The following PRSS58 variants were observed in gnomAD, a reference collection of about 807,000 sequenced individuals.
PRSS58 encodes serine protease 58.
Under a neutral mutation model 25.0 loss-of-function variants are expected in PRSS58, and 31 were observed. That is an observed-to-expected ratio of 1.24 (90% CI 0.93 to 1.67). PRSS58 has a LOEUF of 1.67. Ranked by LOEUF, PRSS58 falls within the 40% of genes most tolerant of loss-of-function variation. The pLI is 0.00. For synonymous variants in PRSS58, 119 were observed against 106.1 expected (o/e 1.12, Z -0.75); for missense variants, 324 against 287.9 (o/e 1.13, Z -0.91).
rs199744203 is a variant in PRSS58 at position 142,252,488 on chromosome 7, C to T, written c.560G>A (p.Arg187Lys). Reference sequence around the variant, plus strand: ...GTATTTTACCTTGCAGGGCTGCCTCCTTCCTGGCACAATGCCCACACACAG... The same window carrying T: ...GTATTTTACCTTGCAGGGCTGCCTCTTTCCTGGCACAATGCCCACACACAG... ...NMLCVGIVPG[R>K]RQPCKEVSAA... Residue 187 changes from arginine to lysine, a missense_variant, in exon 5 of 6, where the codon AGG becomes AAG. By Grantham distance (26) the Arg-to-Lys change is conservative. Transcript: ENST00000547058. The T allele has an allele frequency of 1.2e-4, 194 of 1,613,956 alleles. No individual in the cohort carries two copies. Among genetic ancestry groups the T allele is most frequent in the Non-Finnish European group, 1.5e-4 (178 of 1,179,968 alleles).
At chr7:142,255,960 A>G (rs1266440242) in intron 2 of PRSS58, among the ~76,000 whole-genome samples, 1 of 152,218 alleles carries the variant, frequency 6.6e-6, no homozygotes, top group Admixed American at 6.5e-5. Context: ...TGTATGCTAA[A>G]TCAACGAATT....
chr7:142,256,840 A>G (rs1469447140), intron 2 of PRSS58, among the ~76,000 whole-genome samples: 1 of 152,136 alleles, frequency 6.6e-6, no homozygotes, highest in Non-Finnish European at 1.5e-5. Context: ...GGAAGTTGCT[A>G]GTCAAATATC....
Position 142,255,159 on chromosome 7 carries a change from G to T in PRSS58, c.332C>A (p.Ala111Asp), listed in dbSNP as rs773740043. ...TAATTTCACATAGTCATTGAGTTCA[G>T]CCTCTGTTTTCAGCTTGATTAGCAT... ...DIMLIKLKTE[A>D]ELNDYVKLAN... is the part of the protein sequence containing the mutation. Residue 111 changes from alanine to aspartate, a missense_variant, in exon 4 of 6, where the codon GCT becomes GAT. By Grantham distance (126) the Ala-to-Asp change is moderately radical. Coordinates refer to ENST00000547058, the MANE Select transcript of PRSS58 (RefSeq NM_001001317.5). The T allele has an allele frequency of 6.2e-7, 1 of 1,614,098 alleles. No homozygotes were observed. The highest frequency in any genetic ancestry group is 8.5e-7 in the Non-Finnish European group (1 of 1,179,978).
chr7:142,252,214 C>T lies in PRSS58; in HGVS notation c.*7G>A, dbSNP rs1445014890. Reference sequence around the variant, plus strand: ...AGCTGTGTCATATGGTCCACAACTGCCACAGCTCAGTTATTTTGGATTACA... The same window carrying T: ...AGCTGTGTCATATGGTCCACAACTGTCACAGCTCAGTTATTTTGGATTACA... On this transcript the variant is annotated 3_prime_UTR_variant, in exon 6 of 6. Transcript: ENST00000547058. 1.2e-6 allele frequency: 2 copies of T among 1,607,744 alleles called. No homozygotes were observed. Among genetic ancestry groups the T allele is most frequent in the African/African-American group, 1.3e-5 (1 of 74,606 alleles).
In PRSS58 at chr7:142,257,692, G is replaced by T; in HGVS notation, c.16C>A (p.Leu6Ile). 1 of 1,613,210 alleles carries T rather than the reference G, an allele frequency of 6.2e-7. No homozygotes were observed. The highest frequency in any genetic ancestry group is 8.5e-7 in the Non-Finnish European group (1 of 1,179,282). The change falls in exon 2 of 6, where the codon CTC becomes ATC. Residue 6 changes from leucine (L) to isoleucine (I), a missense_variant. Leu to Ile is a conservative substitution (Grantham distance 5). Coordinates refer to ENST00000547058, the MANE Select transcript of PRSS58 (RefSeq NM_001001317.5). ...CCAGTCAGATTCAAGAGAGCCCAGA[G>T]GAGGATAAACTTCATGATGATGTTG... MKFIL[L>I]WALLNLTVAL... is the part of the protein sequence containing the mutation.
intron 2 of PRSS58, among the ~76,000 whole-genome samples, chr7:142,256,582 C>T (rs976095446): frequency 6.6e-6 from 1 of 152,124 alleles, no homozygotes; most frequent in Non-Finnish European, 1.5e-5. Flanking sequence ...TCCTGAGTAG[C>T]TTGGACTACA....
rs775563700 is a variant in PRSS58, at chr7:142,252,593, A to T, written c.455T>A (p.Leu152Gln). ...VCDIYKEPDS[L>Q]QTVNISVISK... Reference sequence around the variant, plus strand: ...GATTACAGAGATGTTCACAGTTTGCAGTGAATCGGGCTCTTTGTCTAAAGA... The same window carrying T: ...GATTACAGAGATGTTCACAGTTTGCTGTGAATCGGGCTCTTTGTCTAAAGA... Residue 152 changes from leucine to glutamine, a missense_variant, in exon 5 of 6, where the codon CTG becomes CAG. Coordinates refer to ENST00000547058, the MANE Select transcript of PRSS58 (RefSeq NM_001001317.5). 1 of 1,613,458 alleles carries T rather than the reference A, an allele frequency of 6.2e-7. No individual in the cohort carries two copies. Among genetic ancestry groups the T allele is most frequent in the Non-Finnish European group, 8.5e-7 (1 of 1,179,916 alleles).
At chr7:142,257,566 A>G in intron 2 of PRSS58, 102 bp downstream of exon 2, 1 of 1,033,310 alleles carries the variant, frequency 9.7e-7, no homozygotes, top group Non-Finnish European at 1.5e-6. Flanking sequence ...GGACCATCCT[A>G]CACTTGAATT....
chr7:142,255,157 C>A lies in PRSS58; in HGVS notation c.334G>T (p.Glu112Ter). 6.2e-7 allele frequency: 1 copy of A among 1,614,076 alleles called. No individual in the cohort carries two copies. Among genetic ancestry groups the A allele is most frequent in the Non-Finnish European group, 8.5e-7 (1 of 1,179,976 alleles). Reference protein sequence around the residue: ...IMLIKLKTEAELNDYVKLANL... With the variant: ...IMLIKLKTEA Reference sequence around the variant, plus strand: ...GCTAATTTCACATAGTCATTGAGTTCAGCCTCTGTTTTCAGCTTGATTAGC... The same window carrying A: ...GCTAATTTCACATAGTCATTGAGTTAAGCCTCTGTTTTCAGCTTGATTAGC... Residue 112 changes from glutamate (E) to a stop codon, truncating the protein, a stop_gained, in exon 4 of 6, where the codon GAA becomes TAA. Transcript: ENST00000547058. LOFTEE classifies it high-confidence loss of function.
At chr7:142,254,479 C>T (rs967385927) in intron 4 of PRSS58, among the ~76,000 whole-genome samples, 2 of 151,930 alleles carry the variant, frequency 1.3e-5, no homozygotes, top group Non-Finnish European at 2.9e-5. Context: ...TAATGGTAGC[C>T]CTTTGTCAGT....
In PRSS58 at chr7:142,257,122, G is replaced by C. The variant is rs76690937; in HGVS notation, c.40+546C>G. On this transcript the variant is annotated intron_variant, in intron 2 of 5. Transcript: ENST00000547058. ...TGTAGAGTGTAGAAGTATAGAGGTA[G>C]AGGGGTCTGTTAGGAGAATAATTTG... 7.9e-3 allele frequency among the ~76,000 whole-genome samples: 1,203 copies of C among 152,324 alleles called. 50 individuals are homozygous for C. In the East Asian group the frequency reaches 0.14, roughly 17 times the overall value.
intron 2 of PRSS58, 121 bp downstream of exon 2, chr7:142,257,547 A>G (rs1798578528): frequency 1.2e-6 from 1 of 851,096 alleles, no homozygotes; most frequent in Non-Finnish European, 2.0e-6. Flanking sequence ...GGCAGTGGAG[A>G]GGGACAGAGG....
rs188910871 is a variant in PRSS58 at position 142,254,431 on chromosome 7, G to A, written c.436+624C>T. Among the ~76,000 whole-genome samples, 607 of 152,288 alleles carry A rather than the reference G, an allele frequency of 4.0e-3. 4 individuals are homozygous for A. The highest frequency in any genetic ancestry group is 0.012 in the South Asian group (60 of 4,830). On this transcript the variant is annotated intron_variant, in intron 4 of 5. Transcript: ENST00000547058. ...TTTAGATAGACTATCTAGTTCAGGA[G>A]TTTCAAATTATGTATAGAAAACTTC...
chr7:142,255,017 T>C (rs1249486556), intron 4 of PRSS58, 38 bp downstream of exon 4: 2 of 1,604,754 alleles, frequency 1.2e-6, no homozygotes, highest in South Asian at 1.1e-5. Flanking sequence ...TGTAGAAGCA[T>C]GTCTAATTCT....
At chr7:142,252,781 C>CAAT (rs1462059813) in intron 4 of PRSS58, among the ~76,000 whole-genome samples, 170 bp from the exon 5 acceptor site, 1 of 152,230 alleles carries the variant, frequency 6.6e-6, no homozygotes, top group Non-Finnish European at 1.5e-5. Flanking sequence ...ATCAGATTAA[C>CAAT]AATTTCTTAT....
In PRSS58 at chr7:142,252,456, AT is replaced by A; in HGVS notation, c.576+15del. 1.2e-6 allele frequency: 2 copies of A among 1,612,646 alleles called. No individual in the cohort carries two copies. The highest frequency in any genetic ancestry group is 2.2e-5 in the East Asian group (1 of 44,878). On this transcript the variant is annotated intron_variant, in intron 5 of 5. Coordinates refer to ENST00000547058, the MANE Select transcript of PRSS58 (RefSeq NM_001001317.5). ...AGGAAGAAAATGGGAAAATTAATGG[AT>A]GAAGAGTATTTTACCTTGCAGGGCT...
chr7:142,252,572 A>G lies in PRSS58; in HGVS notation c.476T>C (p.Val159Ala). 1 of 1,614,062 alleles carries G rather than the reference A, an allele frequency of 6.2e-7. No homozygotes were observed. Among genetic ancestry groups the G allele is most frequent in the East Asian group, 2.2e-5 (1 of 44,880 alleles). Residue 159 changes from valine (V) to alanine (A), a missense_variant, in exon 5 of 6, where the codon GTA becomes GCA. Transcript: ENST00000547058. ...ATCGCGACACTGAGGCTTGGAGATT[A>G]CAGAGATGTTCACAGTTTGCAGTGA... ...PDSLQTVNIS[V>A]ISKPQCRDAY... is the part of the protein sequence containing the mutation.
In PRSS58 at chr7:142,255,554, C is replaced by T; in HGVS notation, c.160G>A (p.Ala54Thr). 6.2e-7 allele frequency: 1 copy of T among 1,614,080 alleles called. No homozygotes were observed. Among genetic ancestry groups the T allele is most frequent in the Non-Finnish European group, 8.5e-7 (1 of 1,179,994 alleles). The part of the protein sequence containing the change: ...VLIHPLWVIT[A>T]AHCNLPKLRV... Reference sequence around the variant, plus strand: ...ACTCACGGTAAATTGCAGTGTGCAGCTGTGATCACCCAAAGCGGGTGGATC... The same window carrying T: ...ACTCACGGTAAATTGCAGTGTGCAGTTGTGATCACCCAAAGCGGGTGGATC... The change falls in exon 3 of 6, where the codon GCT (alanine) becomes ACT (threonine). Residue 54 changes from alanine to threonine, a missense_variant. Ala to Thr is a moderately conservative substitution (Grantham distance 58). Coordinates refer to ENST00000547058, the MANE Select transcript of PRSS58 (RefSeq NM_001001317.5).
intron 2 of PRSS58, among the ~76,000 whole-genome samples, chr7:142,256,520 G>C (rs1798558151): frequency 6.6e-6 from 1 of 152,200 alleles, no homozygotes. Flanking sequence ...TTGGAGTGCA[G>C]TGGCAAGATC....
Sources: gnomAD v4.1 joint callset for allele counts (sites outside exome capture counted in the v4.1 genomes callset) on GRCh38, gnomAD v4.1.1 for gene constraint, MANE v1.5 for transcripts, NCBI Gene and HGNC (gene_info 2026-07-23, HGNC 2026-07-21) for gene names.